Variants in PREX2 observed in about 807,000 individuals in gnomAD.
The protein encoded by PREX2 is phosphatidylinositol-3,4,5-trisphosphate dependent Rac exchange factor 2, also known as phosphatidylinositol 3,4,5-trisphosphate-dependent Rac exchanger 2 protein.
Under a neutral mutation model 203.2 loss-of-function variants are expected in PREX2, and 107 were observed. That is an observed-to-expected ratio of 0.53 (90% CI 0.45 to 0.62). The LOEUF (loss-of-function observed/expected upper bound fraction) is 0.62, where lower values mean the gene tolerates loss of function less well. Among genes scored for constraint, PREX2 ranks in the 20% least tolerant of loss-of-function variants. The pLI is 0.00. For missense variants in PREX2, 1,777 were observed against 1,955.9 expected (o/e 0.91, Z 1.72); for synonymous variants, 672 against 663.6 (o/e 1.01, Z -0.19).
intron 14 of PREX2, among the ~76,000 whole-genome samples, chr8:68,076,469 GC>G (rs1809352509): frequency 6.7e-6 from 1 of 149,954 alleles, no homozygotes; most frequent in Non-Finnish European, 1.5e-5. Context: ...AAAAAAAATA[GC>G]TTAATTGTTA....
At chr8:67,987,018 T>C (rs1806451343) in intron 1 of PREX2, among the ~76,000 whole-genome samples, 1 of 151,406 alleles carries the variant, frequency 6.6e-6, no homozygotes, top group African/African-American at 2.4e-5. Context: ...CCGGGCACGG[T>C]GTCAGGTGCC....
intron 38 of PREX2, among the ~76,000 whole-genome samples, chr8:68,220,907 T>G (rs1361897706): frequency 6.6e-6 from 1 of 152,172 alleles, no homozygotes; most frequent in Non-Finnish European, 1.5e-5. Flanking sequence ...TGTGCAGGTT[T>G]GTTACATGGA....
intron 8 of PREX2, among the ~76,000 whole-genome samples, chr8:68,050,623 C>G (rs1808501148): frequency 6.6e-6 from 1 of 152,180 alleles, no homozygotes; most frequent in South Asian, 2.1e-4. Context: ...ATTTGACAGT[C>G]AGCTAATGAT....
rs542067299 is a variant in PREX2, at chr8:68,069,345, A to G, written c.1443+209A>G. Among the ~76,000 whole-genome samples the G allele has an allele frequency of 3.9e-5, 6 of 151,990 alleles. No individual in the cohort carries two copies. In the East Asian group the frequency reaches 1.2e-3, roughly 30 times the overall value. On this transcript the variant is annotated intron_variant, in intron 12 of 39. Transcript: ENST00000288368. ...ATTCTCTTACCTAATTCTAAATGGT[A>G]GTAGTACTGCTGCATCACTCACCAG...
At chr8:68,022,636 T>A (rs1043536173) in intron 4 of PREX2, among the ~76,000 whole-genome samples, 3 of 152,206 alleles carry the variant, frequency 2.0e-5, no homozygotes, top group African/African-American at 7.2e-5. Flanking sequence ...ATTTTGGCTG[T>A]CACGGGCAAA....
chr8:68,099,734 G>C lies in PREX2; in HGVS notation c.2606G>C (p.Ser869Thr). Residue 869 changes from serine (S) to threonine (T), a missense_variant, in exon 23 of 40, where the codon AGC (serine) becomes ACC (threonine). Ser to Thr is a moderately conservative substitution (Grantham distance 58). Coordinates refer to ENST00000288368, the MANE Select transcript of PREX2 (RefSeq NM_024870.4). Reference sequence around the variant, plus strand: ...GAGCATTTTGTACAAAACTGTACCAGCCTAAATTCTCTAAATGAAGTGATT... The same window carrying C: ...GAGCATTTTGTACAAAACTGTACCACCCTAAATTCTCTAAATGAAGTGATT... ...SDEHFVQNCT[S>T]LNSLNEVIPT... 1 of 1,613,970 alleles carries C rather than the reference G, an allele frequency of 6.2e-7. No individual in the cohort carries two copies. Among genetic ancestry groups the C allele is most frequent in the Non-Finnish European group, 8.5e-7 (1 of 1,179,938 alleles).
At chr8:67,978,038 G>T (rs1806158151) in intron 1 of PREX2, among the ~76,000 whole-genome samples, 1 of 152,152 alleles carries the variant, frequency 6.6e-6, no homozygotes, top group Non-Finnish European at 1.5e-5. Flanking sequence ...TTAGCTGGTT[G>T]ATCAGAAACA....
At chr8:68,219,937 T>C (rs1812921650) in intron 38 of PREX2, among the ~76,000 whole-genome samples, 2 of 152,232 alleles carry the variant, frequency 1.3e-5, no homozygotes, top group Non-Finnish European at 2.9e-5. Context: ...CTCAGCTTTT[T>C]AGAGACCAAG....
intron 34 of PREX2, among the ~76,000 whole-genome samples, chr8:68,152,949 G>T (rs1364235659): frequency 2.6e-5 from 4 of 152,164 alleles, no homozygotes; most frequent in African/African-American, 7.2e-5. Flanking sequence ...GCCATGGGAG[G>T]TGTCATCTTA....
intron 38 of PREX2, among the ~76,000 whole-genome samples, chr8:68,219,830 T>C (rs969687265): frequency 4.6e-5 from 7 of 152,170 alleles, no homozygotes; most frequent in Non-Finnish European, 7.4e-5. Flanking sequence ...TACCTATGAT[T>C]TGAGCAGTTA....
chr8:68,000,736 G>T (rs1806914219), intron 1 of PREX2, among the ~76,000 whole-genome samples: 1 of 152,040 alleles, frequency 6.6e-6, no homozygotes, highest in African/African-American at 2.4e-5. Context: ...GTATGGTACT[G>T]GTACAAAAGC....
intron 37 of PREX2, among the ~76,000 whole-genome samples, chr8:68,201,992 C>T (rs1230265652): frequency 6.6e-6 from 1 of 150,958 alleles, no homozygotes; most frequent in African/African-American, 2.4e-5. Context: ...CTGCAACCTC[C>T]ACCTCCTGGG....
Position 68,232,573 on chromosome 8 carries a change from T to C in PREX2, c.*1195T>C, listed in dbSNP as rs1813187985. 6.6e-6 allele frequency: 1 copy of C among 152,184 alleles called. No homozygotes were observed. Among genetic ancestry groups the C allele is most frequent in the Non-Finnish European group, 1.5e-5 (1 of 68,028 alleles). 9.4% of individuals were successfully genotyped at this position (152,184 alleles called of 1,614,324 possible). The stretch of plus-strand genomic sequence containing the variant: ...ATTATATGGGTTTACACTAATTTAG[T>C]ATGTGAAATGCTTTTCATATCTAAA... On this transcript the variant is annotated 3_prime_UTR_variant, in exon 40 of 40. Transcript: ENST00000288368.
chr8:68,166,379 A>C (rs945235793), intron 35 of PREX2, among the ~76,000 whole-genome samples: 6 of 152,274 alleles, frequency 3.9e-5, no homozygotes, highest in Admixed American at 6.5e-5. Context: ...TCGACCTAAA[A>C]GGAAGAAACG....
At position 68,027,255 on chromosome 8, in the gene PREX2, G is replaced by C. The variant is rs1388302622; in HGVS notation, c.475G>C (p.Asp159His). 2.5e-6 allele frequency: 4 copies of C among 1,612,260 alleles called. No homozygotes were observed. In the East Asian group the frequency reaches 8.9e-5, roughly 36 times the overall value. ...CMLLGGRKNT[D>H]VPLEGYLVTP... ...GCTGCTTGGAGGACGGAAGAACACA[G>C]ATGTTCCCTTGGAAGGATATTTAGT... The change falls in exon 5 of 40, where the codon GAT becomes CAT. Residue 159 changes from aspartate to histidine, a missense_variant. Physicochemically the swap from Asp to His is moderately conservative, Grantham distance 81. Transcript: ENST00000288368.
intron 37 of PREX2, among the ~76,000 whole-genome samples, chr8:68,215,726 A>G (rs965088542): frequency 1.3e-5 from 2 of 151,674 alleles, no homozygotes; most frequent in African/African-American, 4.9e-5. Context: ...TTTAGTAGAG[A>G]CGAGGTTTCA....
At chr8:67,960,253 G>A (rs917523996) in intron 1 of PREX2, among the ~76,000 whole-genome samples, 2 of 152,060 alleles carry the variant, frequency 1.3e-5, no homozygotes, top group Non-Finnish European at 2.9e-5. Context: ...TGTTGTCCAG[G>A]CTGGTCTCAA....
chr8:68,016,256 A>G (rs1016997510), intron 1 of PREX2, among the ~76,000 whole-genome samples: 1 of 152,184 alleles, frequency 6.6e-6, no homozygotes, highest in Non-Finnish European at 1.5e-5. Flanking sequence ...GCACACACCA[A>G]TATTATCCAT....
chr8:68,032,654 C>T (rs1187326256), intron 6 of PREX2, among the ~76,000 whole-genome samples: 1 of 152,138 alleles, frequency 6.6e-6, no homozygotes, highest in Non-Finnish European at 1.5e-5. Context: ...TCTGTAAGGA[C>T]GCAGAGTCAC....
Sources: allele counts gnomAD v4.1 joint callset (sites outside exome capture counted in the v4.1 genomes callset), GRCh38; gene constraint gnomAD v4.1.1; transcripts MANE v1.5; gene names NCBI Gene and HGNC (gene_info 2026-07-23, HGNC 2026-07-21).